The following OR52I2 variants were observed in gnomAD, a reference collection of about 807,000 sequenced individuals.
The protein encoded by OR52I2 is olfactory receptor 52I2.
For missense variants in OR52I2, 350 were observed against 402.4 expected (o/e 0.87, Z 1.11); for synonymous variants, 147 against 151.9 (o/e 0.97, Z 0.24).
At chr11:4,591,639 GA>G (rs1364878782) in exon 2 of OR52I2, 5 of 152,172 alleles carry the variant, frequency 3.3e-5, no homozygotes, top group African/African-American at 7.2e-5. Flanking sequence ...CCTAAGGAAA[GA>G]AAATTATCTG....
chr11:4,592,534 G>T (rs1846358885), exon 2 of OR52I2: 1 of 152,156 alleles, frequency 6.6e-6, no homozygotes, highest in African/African-American at 2.4e-5. Context: ...AAAGCTAGGT[G>T]ATAACATCAG....
exon 2 of OR52I2, chr11:4,592,274 A>G (rs1049228114): frequency 6.6e-6 from 1 of 152,180 alleles, no homozygotes; most frequent in Non-Finnish European, 1.5e-5. Context: ...ATGGGTGAAG[A>G]AGTTGAGGCT....
At position 4,588,159 on chromosome 11, in the gene OR52I2, A is replaced by G. The variant is rs562814103; in HGVS notation, c.*294A>G. ...TGTGCTAGGTTAGGCTGAGGAAGGC[A>G]CAAAGCCTCTTCCTGCTCCTGCCTC... On this transcript the variant is annotated 3_prime_UTR_variant, in exon 2 of 2. Transcript: ENST00000641896. 37 of 359,588 alleles carry G rather than the reference A, an allele frequency of 1.0e-4. No individual in the cohort carries two copies. The East Asian group carries it at 2.0e-3, about 20-fold the overall frequency. The allele number at this position is 359,588 out of a possible 1,614,324, so 22.3% of individuals were successfully genotyped here.
At chr11:4,582,434 A>ATTTTTTTTTTTTTTTTTTTTTTTT (rs386372959) in intron 1 of OR52I2, among the ~76,000 whole-genome samples, 5 of 96,480 alleles carry the variant, frequency 5.2e-5, no homozygotes, top group Admixed American at 2.7e-4. Flanking sequence ...TTTATTTTTC[A>ATTTTTTTTTTTTTTTTTTTTTTTT]TTTTTTTTTT....
chr11:4,582,581 A>G (rs942642691), intron 1 of OR52I2, among the ~76,000 whole-genome samples: 1 of 151,608 alleles, frequency 6.6e-6, no homozygotes, highest in African/African-American at 2.4e-5. Context: ...CTGGGACTAC[A>G]GGTGCTCGCC....
At chr11:4,589,725 G>C (rs1846336651) in exon 2 of OR52I2, 1 of 152,166 alleles carries the variant, frequency 6.6e-6, no homozygotes, top group African/African-American at 2.4e-5. Context: ...AAAAAACCCA[G>C]TAGTAGGGCT....
chr11:4,582,068 G>T (rs1358022999), intron 1 of OR52I2, among the ~76,000 whole-genome samples: 1 of 152,214 alleles, frequency 6.6e-6, no homozygotes, highest in Non-Finnish European at 1.5e-5. Context: ...AGAGGGAACG[G>T]AAATATGGTT....
At chr11:4,586,978 T>C in exon 2 of OR52I2, 1 of 1,614,168 alleles carries the variant, frequency 6.2e-7, no homozygotes, top group South Asian at 1.1e-5. Flanking sequence ...TTCACATCTT[T>C]GGCTGGCTAT....
At chr11:4,585,094 C>T (rs1002884881) in intron 1 of OR52I2, among the ~76,000 whole-genome samples, 18 of 152,080 alleles carry the variant, frequency 1.2e-4, no homozygotes, top group South Asian at 2.1e-4. Flanking sequence ...GGGCTTGGTG[C>T]GTTTACATAA....
At chr11:4,587,405 T>C in exon 2 of OR52I2, 1 of 1,614,036 alleles carries the variant, frequency 6.2e-7, no homozygotes, top group Non-Finnish European at 8.5e-7. Flanking sequence ...CATCTACCTT[T>C]CTGTGGCTCC....
exon 2 of OR52I2, chr11:4,587,641 G>C (rs746607298): frequency 6.2e-7 from 1 of 1,614,020 alleles, no homozygotes; most frequent in Non-Finnish European, 8.5e-7. Flanking sequence ...CCATGTGGGG[G>C]TTATGGCTTT....
chr11:4,591,515 G>C (rs1194085421), exon 2 of OR52I2: 1 of 152,190 alleles, frequency 6.6e-6, no homozygotes, highest in Non-Finnish European at 1.5e-5. Context: ...GAGCCCTTGA[G>C]ATACAATACT....
exon 2 of OR52I2, chr11:4,586,943 T>C: frequency 6.2e-7 from 1 of 1,614,194 alleles, no homozygotes; most frequent in Non-Finnish European, 8.5e-7. Flanking sequence ...TCCTTCCTCC[T>C]TGTGGGTATC....
exon 2 of OR52I2, chr11:4,592,615 A>G (rs1267289113): frequency 6.6e-6 from 1 of 152,212 alleles, no homozygotes; most frequent in Non-Finnish European, 1.5e-5. Context: ...CAAACACCAT[A>G]TGAATATGAA....
chr11:4,590,592 A>G (rs1351437650), exon 2 of OR52I2: 1 of 152,206 alleles, frequency 6.6e-6, no homozygotes, highest in Non-Finnish European at 1.5e-5. Flanking sequence ...TGCCTCTTGA[A>G]GAAAGGTGAA....
chr11:4,583,588 C>T (rs958494445), intron 1 of OR52I2, among the ~76,000 whole-genome samples: 1 of 152,202 alleles, frequency 6.6e-6, no homozygotes, highest in African/African-American at 2.4e-5. Flanking sequence ...CAAAAGCTTT[C>T]CCTAATCTTC....
At chr11:4,587,925 A>T (rs1379332736) in exon 2 of OR52I2, 1 of 1,363,154 alleles carries the variant, frequency 7.3e-7, no homozygotes, top group Non-Finnish European at 1.0e-6. Context: ...TGCAGAGCTT[A>T]GTTTACCTGG....
rs563351294 is a variant in OR52I2, at chr11:4,583,963, CAG to C, written c.-20+2103_-20+2104del. 5.9e-5 allele frequency among the ~76,000 whole-genome samples: 9 copies of C among 152,112 alleles called. No homozygotes were observed. In the South Asian group the frequency reaches 8.3e-4, roughly 14 times the overall value. ...AAATGTTCCTCTAGTGCTTGGCTAACAGAGAAAATGTCTACTGCAGTAGATGG... is the reference window on the plus strand; with the variant it reads ...AAATGTTCCTCTAGTGCTTGGCTAACAGAAAATGTCTACTGCAGTAGATGG... On this transcript the variant is annotated intron_variant, in intron 1 of 1. Coordinates refer to ENST00000641896, the Ensembl canonical transcript of OR52I2.
exon 2 of OR52I2, chr11:4,593,021 T>C (rs1429185435): frequency 2.6e-5 from 4 of 152,252 alleles, no homozygotes; most frequent in African/African-American, 9.6e-5. Flanking sequence ...ATCTAAGTTA[T>C]ACAAACTGTG....
Sources: gnomAD v4.1 joint callset for allele counts (sites outside exome capture counted in the v4.1 genomes callset) on GRCh38, gnomAD v4.1.1 for gene constraint, MANE v1.5 for transcripts, NCBI Gene and HGNC (gene_info 2026-07-23, HGNC 2026-07-21) for gene names.